The following KLHL13 variants were observed in gnomAD, a reference collection of about 807,000 sequenced individuals.
The protein encoded by KLHL13 is kelch-like protein 13.
A neutral mutation model predicts 37.1 loss-of-function variants in KLHL13; 10 were observed. The ratio of observed to expected loss-of-function variants is 0.27; its 90% CI spans 0.17 to 0.46. KLHL13 has a LOEUF of 0.46. KLHL13 is among the 20% of genes least tolerant of loss of function. The pLI, the probability that KLHL13 is intolerant of heterozygous loss-of-function variation, is 1.00. For missense variants in KLHL13, 360 were observed against 509.3 expected, an observed-to-expected ratio of 0.71 and a Z score of 2.82; for synonymous variants, 163 against 181.2, an observed-to-expected ratio of 0.90 and a Z score of 0.81.
chrX:117,908,486 G>T (rs895840088), intron 5 of KLHL13, among the ~76,000 whole-genome samples: 6 of 110,064 alleles, frequency 5.5e-5, no homozygotes, highest in Admixed American at 9.8e-5. Context: ...TGAAAACAAG[G>T]CCAAACAATA....
At chrX:118,098,265 G>C (rs2055237507) in intron 1 of KLHL13, among the ~76,000 whole-genome samples, 1 of 111,776 alleles carries the variant, frequency 8.9e-6, no homozygotes, top group African/African-American at 3.3e-5. Flanking sequence ...GTGGGCAAAG[G>C]CTATGAACAG....
chrX:118,112,052 C>A (rs1037295832), intron 1 of KLHL13, among the ~76,000 whole-genome samples: 4 of 112,039 alleles, frequency 3.6e-5, no homozygotes, highest in Non-Finnish European at 7.5e-5. Context: ...CAGTGTCTCA[C>A]AACTATTAAG....
In KLHL13 at chrX:118,042,478, T is replaced by TA. The variant is rs2054515146; in HGVS notation, c.-56+74029_-56+74030insT. Among the ~76,000 whole-genome samples, 6 of 111,623 alleles carry TA rather than the reference T, an allele frequency of 5.4e-5. No individual in the cohort carries two copies. The Admixed American group carries it at 5.7e-4, about 11-fold the overall frequency. ...GGCCACAAAACAAGTATTAAAACATTCAAAAAAATTGAAGTTACATCAAGC... is the reference window on the plus strand; with the variant it reads ...GGCCACAAAACAAGTATTAAAACATTACAAAAAAATTGAAGTTACATCAAGC... On this transcript the variant is annotated intron_variant, in intron 1 of 6. Transcript: ENST00000371882.
chrX:117,974,705 A>G (rs987930879), upstream of KLHL13, among the ~76,000 whole-genome samples: 1 of 112,080 alleles, frequency 8.9e-6, no homozygotes, highest in Non-Finnish European at 1.9e-5. Context: ...CACAAAACAT[A>G]TATGTACATG....
chrX:117,902,352 G>A (rs909815095), intron 5 of KLHL13, among the ~76,000 whole-genome samples: 3 of 111,625 alleles, frequency 2.7e-5, no homozygotes, highest in African/African-American at 6.5e-5. Context: ...AGAAACAAAC[G>A]TTAATACATA....
At chrX:118,080,074 C>T (rs2054973644) in intron 1 of KLHL13, among the ~76,000 whole-genome samples, 1 of 111,477 alleles carries the variant, frequency 9.0e-6, no homozygotes, top group African/African-American at 3.3e-5. Flanking sequence ...ACTTGGCTAG[C>T]CATATGCAAA....
chrX:118,098,992 G>A (rs1360586740), intron 1 of KLHL13, among the ~76,000 whole-genome samples: 1 of 95,854 alleles, frequency 1.0e-5, no homozygotes, highest in Non-Finnish European at 2.1e-5. Context: ...ATAGCATTAG[G>A]AGAGATACCT....
chrX:117,909,704 C>T, exon 5 of KLHL13: 1 of 1,212,089 alleles, frequency 8.3e-7, no homozygotes, highest in Non-Finnish European at 1.1e-6. Context: ...GCATATATGG[C>T]ATCATTTGGT....
chrX:118,056,187 C>T (rs1354856980), intron 1 of KLHL13, among the ~76,000 whole-genome samples: 3 of 111,603 alleles, frequency 2.7e-5, no homozygotes, highest in Admixed American at 1.9e-4. Context: ...AATAAACAAT[C>T]TGAAAACGAA....
intron 1 of KLHL13, among the ~76,000 whole-genome samples, chrX:117,966,535 T>G (rs1307301968): frequency 9.0e-6 from 1 of 111,534 alleles, no homozygotes; most frequent in East Asian, 2.8e-4. Flanking sequence ...CCGATGACCT[T>G]CTTCACAGAA....
At chrX:118,033,100 C>G (rs759133557) in intron 1 of KLHL13, among the ~76,000 whole-genome samples, 32 of 110,846 alleles carry the variant, frequency 2.9e-4, no homozygotes, top group Non-Finnish European at 1.1e-4. Flanking sequence ...GTGAAAAGAC[C>G]AAATCTGCGT....
chrX:118,095,560 C>T (rs1391922634), intron 1 of KLHL13, among the ~76,000 whole-genome samples: 1 of 111,628 alleles, frequency 9.0e-6, no homozygotes, highest in African/African-American at 3.3e-5. Flanking sequence ...ATCTACAGAA[C>T]TCTCCACCCC....
chrX:118,052,347 A>C (rs1395407428), intron 1 of KLHL13, among the ~76,000 whole-genome samples: 7 of 21,774 alleles, frequency 3.2e-4, no homozygotes, highest in African/African-American at 6.6e-4. Context: ...CCCCGTCTCT[A>C]CTAAAAAAAA....
At chrX:118,033,116 T>G (rs1336289144) in intron 1 of KLHL13, among the ~76,000 whole-genome samples, 1 of 111,091 alleles carries the variant, frequency 9.0e-6, no homozygotes, top group East Asian at 2.8e-4. Flanking sequence ...TGCGTCTGAC[T>G]GGTGTACCTG....
At chrX:118,070,923 C>T (rs775970576) in intron 1 of KLHL13, among the ~76,000 whole-genome samples, 84 of 99,741 alleles carry the variant, frequency 8.4e-4, no homozygotes, top group Non-Finnish European at 1.6e-3. Context: ...CACCCCACAA[C>T]AGTCCCCAGA....
chrX:117,954,124 T>C (rs1382323416), intron 1 of KLHL13, among the ~76,000 whole-genome samples: 1 of 111,857 alleles, frequency 8.9e-6, no homozygotes, highest in Non-Finnish European at 1.9e-5. Flanking sequence ...GGATGAAAGT[T>C]AATTACCCAA....
intron 1 of KLHL13, among the ~76,000 whole-genome samples, chrX:117,988,296 C>A (rs2053751118): frequency 8.9e-6 from 1 of 112,008 alleles, no homozygotes; most frequent in Admixed American, 9.4e-5. Context: ...AGGATCAATA[C>A]TAGTCTAGTA....
At chrX:118,064,859 G>A (rs2148101211) in intron 1 of KLHL13, among the ~76,000 whole-genome samples, 1 of 110,877 alleles carries the variant, frequency 9.0e-6, no homozygotes, top group South Asian at 3.8e-4. Context: ...GTGGCTATAA[G>A]GTCTGAATGA....
At chrX:118,043,248 T>G in intron 1 of KLHL13, among the ~76,000 whole-genome samples, 1 of 111,436 alleles carries the variant, frequency 9.0e-6, no homozygotes, top group Admixed American at 9.5e-5. Context: ...TGTAATAAAG[T>G]GTCTCCAGCA....
Sources: gnomAD v4.1 joint callset for allele counts (sites outside exome capture counted in the v4.1 genomes callset) on GRCh38, gnomAD v4.1.1 for gene constraint, MANE v1.5 for transcripts, NCBI Gene and HGNC (gene_info 2026-07-23, HGNC 2026-07-21) for gene names.